Variants in IGSF11 observed in about 807,000 individuals in gnomAD.
The protein encoded by IGSF11 is CXADR like 1.
IGSF11 carries 22 observed loss-of-function variants against 41.0 expected under a neutral mutation model. The observed-to-expected ratio is 0.54, with a 90% CI of 0.38 to 0.77. The LOEUF (loss-of-function observed/expected upper bound fraction) is 0.77, where lower values mean the gene tolerates loss of function less well. IGSF11 is among the 30% of genes least tolerant of loss of function. The pLI is 0.00. For synonymous variants in IGSF11, 219 were observed against 201.3 expected, an observed-to-expected ratio of 1.09 and a Z score of -0.74; for missense variants, 444 against 530.8, an observed-to-expected ratio of 0.84 and a Z score of 1.61.
intron 1 of IGSF11, among the ~76,000 whole-genome samples, chr3:119,047,562 C>A (rs1479485647): frequency 6.6e-6 from 1 of 152,178 alleles, no homozygotes; most frequent in Non-Finnish European, 1.5e-5. Flanking sequence ...AATTTAACAT[C>A]ACACTGTCAA....
intron 1 of IGSF11, among the ~76,000 whole-genome samples, chr3:118,971,559 C>T (rs2107618667): frequency 6.6e-6 from 1 of 152,214 alleles, no homozygotes; most frequent in Non-Finnish European, 1.5e-5. Context: ...AATCCCAGAA[C>T]TTCGGGAGGC....
At chr3:118,992,213 T>C (rs948696883) in intron 1 of IGSF11, among the ~76,000 whole-genome samples, 7 of 152,186 alleles carry the variant, frequency 4.6e-5, no homozygotes, top group East Asian at 1.9e-4. Flanking sequence ...TTCCAAAATA[T>C]GAAACAAATA....
chr3:119,086,920 T>C (rs1293051145), intron 1 of IGSF11, among the ~76,000 whole-genome samples: 1 of 152,120 alleles, frequency 6.6e-6, no homozygotes, highest in Non-Finnish European at 1.5e-5. Flanking sequence ...ACCTTGAACA[T>C]AAATGGGCCA....
chr3:119,080,086 T>C (rs1284801757), intron 1 of IGSF11, among the ~76,000 whole-genome samples: 1 of 152,158 alleles, frequency 6.6e-6, no homozygotes, highest in Non-Finnish European at 1.5e-5. Context: ...GCAGCCCTAC[T>C]AAGTAAGTAA....
chr3:118,973,851 T>G (rs191383843), intron 1 of IGSF11, among the ~76,000 whole-genome samples: 1 of 152,098 alleles, frequency 6.6e-6, no homozygotes, highest in African/African-American at 2.4e-5. Flanking sequence ...ATAGGGCTCA[T>G]CAGAAAACCA....
intron 1 of IGSF11, among the ~76,000 whole-genome samples, chr3:118,974,523 G>A (rs1411309465): frequency 1.3e-5 from 2 of 152,202 alleles, no homozygotes; most frequent in Non-Finnish European, 1.5e-5. Context: ...CTAATCTTAC[G>A]TGAGAGTCGA....
chr3:118,960,503 T>A (rs368761397), intron 1 of IGSF11, among the ~76,000 whole-genome samples: 3 of 152,204 alleles, frequency 2.0e-5, no homozygotes, highest in East Asian at 3.8e-4. Context: ...CCTATACAGG[T>A]ATTAATAATG....
chr3:119,136,513 G>T (rs575081804), intron 1 of IGSF11, among the ~76,000 whole-genome samples: 21 of 152,164 alleles, frequency 1.4e-4, no homozygotes, highest in African/African-American at 5.1e-4. Flanking sequence ...CAAACAAAGA[G>T]CAGGAGTAGC....
intron 4 of IGSF11, among the ~76,000 whole-genome samples, chr3:118,909,951 G>A (rs1169107842): frequency 1.3e-5 from 2 of 152,178 alleles, no homozygotes; most frequent in African/African-American, 4.8e-5. Context: ...ATAATGTAGT[G>A]TGTATAAATA....
chr3:119,132,125 A>G (rs1276897345), intron 1 of IGSF11, among the ~76,000 whole-genome samples: 1 of 152,190 alleles, frequency 6.6e-6, no homozygotes, highest in Non-Finnish European at 1.5e-5. Context: ...CATCGATGCT[A>G]TAAAGAAACT....
rs577042095 is a variant in IGSF11 at position 118,987,420 on chromosome 3, G to A, written c.52+47111C>T. 2.6e-5 allele frequency among the ~76,000 whole-genome samples: 4 copies of A among 152,316 alleles called. No individual in the cohort carries two copies. The South Asian group carries it at 8.3e-4, about 32-fold the overall frequency. The stretch of plus-strand genomic sequence containing the variant: ...GAGAACTATGAGGTGGTATGAATCA[G>A]GGCTTCAAGCTCAGGAGTAAGGACT... On this transcript the variant is annotated intron_variant, in intron 1 of 6. Coordinates refer to ENST00000393775, the MANE Select transcript of IGSF11 (RefSeq NM_001015887.3).
chr3:119,055,963 T>A (rs1053935157), intron 1 of IGSF11, among the ~76,000 whole-genome samples: 20 of 152,072 alleles, frequency 1.3e-4, no homozygotes, highest in Admixed American at 1.3e-4. Context: ...CTGGGACACG[T>A]TCAAAGCAGT....
At chr3:119,096,699 C>T (rs1351168179) in intron 1 of IGSF11, among the ~76,000 whole-genome samples, 1 of 152,192 alleles carries the variant, frequency 6.6e-6, no homozygotes, top group Non-Finnish European at 1.5e-5. Flanking sequence ...ACTAGAAATT[C>T]AAACATGACT....
At chr3:118,956,563 A>G (rs571393418) in intron 1 of IGSF11, among the ~76,000 whole-genome samples, 41 of 152,322 alleles carry the variant, frequency 2.7e-4, no homozygotes, top group African/African-American at 9.6e-4. Context: ...GGGGAGAAAG[A>G]CAGGCAAACA....
intron 1 of IGSF11, among the ~76,000 whole-genome samples, chr3:119,104,571 A>C (rs1174184813): frequency 6.6e-6 from 1 of 152,192 alleles, no homozygotes; most frequent in Non-Finnish European, 1.5e-5. Flanking sequence ...TTTCACAGCT[A>C]GCCAATGAAG....
intron 1 of IGSF11, among the ~76,000 whole-genome samples, chr3:119,025,119 T>C (rs1334701141): frequency 6.6e-6 from 1 of 152,158 alleles, no homozygotes; most frequent in Non-Finnish European, 1.5e-5. Flanking sequence ...TAACATTTTA[T>C]TATATTGGGA....
upstream of IGSF11, among the ~76,000 whole-genome samples, chr3:119,108,062 G>T (rs1286154092): frequency 2.6e-5 from 4 of 151,456 alleles, no homozygotes; most frequent in Non-Finnish European, 4.4e-5. Flanking sequence ...GATTGACTTG[G>T]CAATGCGGGC....
Position 118,929,367 on chromosome 3 carries a change from G to T in IGSF11, c.217-651C>A, listed in dbSNP as rs115700491. Among the ~76,000 whole-genome samples the T allele has an allele frequency of 3.0e-3, 459 of 152,200 alleles. 2 individuals are homozygous for T. The highest frequency in any genetic ancestry group is 9.7e-3 in the African/African-American group (401 of 41,520). ...GGTTGAACAAAATGATCTTGAAGGC[G>T]GAGTCTAACTACAAAAATTCTATGA... On this transcript the variant is annotated intron_variant, in intron 2 of 6. Coordinates refer to ENST00000393775, the MANE Select transcript of IGSF11 (RefSeq NM_001015887.3).
intron 1 of IGSF11, among the ~76,000 whole-genome samples, chr3:118,982,621 T>C (rs1443247364): frequency 6.6e-6 from 1 of 152,084 alleles, no homozygotes; most frequent in African/African-American, 2.4e-5. Context: ...AAAATTAATG[T>C]TCCTTTTTTA....
Sources: gnomAD v4.1 joint callset for allele counts (sites outside exome capture counted in the v4.1 genomes callset) on GRCh38, gnomAD v4.1.1 for gene constraint, MANE v1.5 for transcripts, NCBI Gene and HGNC (gene_info 2026-07-23, HGNC 2026-07-21) for gene names.